RHBDD1: variants seen among roughly 807,000 people sequenced by gnomAD.
RHBDD1 encodes the protein rhomboid-related protein 4.
In RHBDD1, 38 loss-of-function variants were observed where a neutral mutation model predicts 36.3. The observed-to-expected ratio is 1.05, with a 90% CI of 0.81 to 1.37. The LOEUF (loss-of-function observed/expected upper bound fraction) is 1.37. Among genes scored for constraint, RHBDD1 ranks in the 40% most tolerant of loss-of-function variants. The probability of loss-of-function intolerance (pLI) is 0.00; values close to 1 mark genes in which losing one functional copy is unlikely to be tolerated. For synonymous variants in RHBDD1, 151 were observed against 136.5 expected, an observed-to-expected ratio of 1.11 and a Z score of -0.74; for missense variants, 393 against 377.6, an observed-to-expected ratio of 1.04 and a Z score of -0.34.
intron 8 of RHBDD1, among the ~76,000 whole-genome samples, chr2:226,979,465 C>G (rs2149410093): frequency 6.6e-6 from 1 of 152,294 alleles, no homozygotes; most frequent in African/African-American, 2.4e-5. Context: ...CTGCAAATGG[C>G]TGGAACTTCC....
intron 5 of RHBDD1, among the ~76,000 whole-genome samples, chr2:226,876,212 T>C (rs1479112143): frequency 1.3e-5 from 2 of 152,186 alleles, no homozygotes; most frequent in South Asian, 4.2e-4. Context: ...TGAATGAATA[T>C]GTGGTTTAGG....
At chr2:226,935,659 T>G (rs1244738502) in intron 8 of RHBDD1, among the ~76,000 whole-genome samples, 1 of 151,800 alleles carries the variant, frequency 6.6e-6, no homozygotes, top group East Asian at 1.9e-4. Context: ...AATGAAGGAA[T>G]CGAATTGGTT....
the RHBDD1 span, among the ~76,000 whole-genome samples, chr2:226,818,855 AC>A: frequency 6.6e-6 from 1 of 152,030 alleles, no homozygotes; most frequent in Admixed American, 6.5e-5. Flanking sequence ...AAAAACAAAA[AC>A]AAAAACAAAA....
rs143044122 is a variant in RHBDD1, at chr2:226,857,434, T to C, written c.-90-7170T>C. Among the ~76,000 whole-genome samples the C allele has an allele frequency of 1.6e-3, 242 of 152,268 alleles. No homozygotes were observed. The Middle Eastern group carries it at 0.017, about 11-fold the overall frequency. The stretch of plus-strand genomic sequence containing the variant: ...ATATGAGCCAGCAATTTCACTCTTA[T>C]GTATATACCCCAGAGAACTGAAAAC... On this transcript the variant is annotated intron_variant, in intron 3 of 8. Coordinates refer to ENST00000392062, the MANE Select transcript of RHBDD1 (RefSeq NM_001167608.3).
intron 7 of RHBDD1, among the ~76,000 whole-genome samples, chr2:226,909,389 A>C (rs1012021749): frequency 2.0e-5 from 3 of 152,216 alleles, no homozygotes; most frequent in Non-Finnish European, 4.4e-5. Context: ...TTAAAAGCGT[A>C]AGACCTATTT....
intron 7 of RHBDD1, among the ~76,000 whole-genome samples, chr2:226,910,658 AG>A (rs570445501): frequency 2.1e-4 from 32 of 152,114 alleles, no homozygotes; most frequent in African/African-American, 7.7e-4. Context: ...ACAGAGCCTA[AG>A]TATATAACTA....
chr2:226,874,655 A>C (rs1309236498), intron 5 of RHBDD1, among the ~76,000 whole-genome samples: 2 of 152,062 alleles, frequency 1.3e-5, no homozygotes, highest in Non-Finnish European at 2.9e-5. Context: ...TTGTGATTGC[A>C]TTTAGGAGTC....
At chr2:226,867,671 A>C in intron 5 of RHBDD1, 1 of 982,940 alleles carries the variant, frequency 1.0e-6, no homozygotes, top group Non-Finnish European at 1.2e-6. Context: ...GTAACTATAA[A>C]GATTAAAAAG....
chr2:226,875,471 A>C (rs1224227810), intron 5 of RHBDD1, among the ~76,000 whole-genome samples: 1 of 152,170 alleles, frequency 6.6e-6, no homozygotes, highest in Non-Finnish European at 1.5e-5. Flanking sequence ...TGTTGACCTA[A>C]ATCAATACAC....
chr2:226,882,811 C>T (rs1235762865), intron 5 of RHBDD1, among the ~76,000 whole-genome samples: 1 of 152,158 alleles, frequency 6.6e-6, no homozygotes, highest in Non-Finnish European at 1.5e-5. Context: ...ATTTATTTCT[C>T]ACACTTCTGG....
chr2:226,890,103 C>T (rs1049415768), intron 5 of RHBDD1, among the ~76,000 whole-genome samples: 2 of 152,190 alleles, frequency 1.3e-5, no homozygotes, highest in Non-Finnish European at 2.9e-5. Flanking sequence ...AGTCAGAGCA[C>T]GTCCAAGTCT....
chr2:226,854,621 G>T (rs1350824290), intron 3 of RHBDD1, among the ~76,000 whole-genome samples: 1 of 127,590 alleles, frequency 7.8e-6, no homozygotes. Flanking sequence ...AAAAAAAAAG[G>T]CGCTTACCTA....
At chr2:226,871,430 T>C (rs531843780) in intron 5 of RHBDD1, among the ~76,000 whole-genome samples, 1 of 152,342 alleles carries the variant, frequency 6.6e-6, no homozygotes, top group African/African-American at 2.4e-5. Context: ...TAATGTTGTT[T>C]AGTAATTGGT....
chr2:226,964,694 C>T (rs1385508090), intron 8 of RHBDD1, among the ~76,000 whole-genome samples: 2 of 152,338 alleles, frequency 1.3e-5, no homozygotes, highest in East Asian at 3.9e-4. Context: ...ACCTTTGCAA[C>T]TCATTCCTTT....
rs374562891 is a variant in RHBDD1 at position 226,995,553 on chromosome 2, G to A, written c.*31G>A. 1.9e-5 allele frequency: 28 copies of A among 1,444,078 alleles called. No individual in the cohort carries two copies. The African/African-American group carries it at 2.5e-4, about 13-fold the overall frequency. The allele number at this position is 1,444,078 out of a possible 1,614,324, so 89.5% of individuals were successfully genotyped here. On this transcript the variant is annotated 3_prime_UTR_variant, in exon 9 of 9. Coordinates refer to ENST00000392062, the MANE Select transcript of RHBDD1 (RefSeq NM_001167608.3). ...CATCTTGGGAAGACATGGCCTATTC[G>A]TGTAATTATTGCCCATTTGGCTCAT...
Position 226,912,612 on chromosome 2 carries a change from A to G in RHBDD1, c.713-1596A>G, listed in dbSNP as rs537669563. 2.0e-5 allele frequency among the ~76,000 whole-genome samples: 3 copies of G among 152,336 alleles called. No homozygotes were observed. The South Asian group carries it at 6.2e-4, about 32-fold the overall frequency. ...AAATAAGCTAGACACAAAATGCCAC[A>G]TATTACATGATTTTGTTTATATGAG... On this transcript the variant is annotated intron_variant, in intron 7 of 8. Transcript: ENST00000392062.
At chr2:226,976,408 A>G (rs558200322) in intron 8 of RHBDD1, among the ~76,000 whole-genome samples, 8 of 151,888 alleles carry the variant, frequency 5.3e-5, no homozygotes, top group Admixed American at 3.3e-4. Flanking sequence ...TCAAAGGAGC[A>G]GTACCCCAAT....
At chr2:226,954,344 T>A (rs1031663848) in intron 8 of RHBDD1, among the ~76,000 whole-genome samples, 8 of 152,210 alleles carry the variant, frequency 5.3e-5, no homozygotes, top group African/African-American at 1.7e-4. Context: ...CAAGAATTTG[T>A]GGAGTACCTA....
intron 8 of RHBDD1, among the ~76,000 whole-genome samples, chr2:226,985,815 C>T (rs1022307487): frequency 2.0e-5 from 3 of 152,258 alleles, no homozygotes; most frequent in East Asian, 3.8e-4. Context: ...ACCACTATAT[C>T]CTACTCATGC....
Sources: gnomAD v4.1 joint callset for allele counts (sites outside exome capture counted in the v4.1 genomes callset) on GRCh38, gnomAD v4.1.1 for gene constraint, MANE v1.5 for transcripts, NCBI Gene and HGNC (gene_info 2026-07-23, HGNC 2026-07-21) for gene names.